Variants in PPP2R5E observed in about 807,000 individuals in gnomAD.
PPP2R5E encodes protein phosphatase 2 regulatory subunit B'epsilon, also known as serine/threonine-protein phosphatase 2A 56 kDa regulatory subunit epsilon isoform.
Under a neutral mutation model 65.3 loss-of-function variants are expected in PPP2R5E, and 4 were observed. That is an observed-to-expected ratio of 0.06 (90% CI 0.03 to 0.14). PPP2R5E has a LOEUF of 0.14. Among genes scored for constraint, PPP2R5E ranks in the 10% least tolerant of loss-of-function variants. The probability of loss-of-function intolerance (pLI) is 1.00; values close to 1 mark genes in which losing one functional copy is unlikely to be tolerated. For synonymous variants in PPP2R5E, 183 were observed against 187.4 expected, an observed-to-expected ratio of 0.98 and a Z score of 0.19; for missense variants, 274 against 556.1, an observed-to-expected ratio of 0.49 and a Z score of 5.10.
intron 2 of PPP2R5E, among the ~76,000 whole-genome samples, chr14:63,525,153 C>T (rs1396157505): frequency 6.6e-6 from 1 of 152,200 alleles, no homozygotes; most frequent in Non-Finnish European, 1.5e-5. Context: ...TTGCCTGGCA[C>T]ACCGAAAAAC....
At chr14:63,515,227 A>G (rs1007794817) in intron 2 of PPP2R5E, among the ~76,000 whole-genome samples, 2 of 152,214 alleles carry the variant, frequency 1.3e-5, no homozygotes, top group African/African-American at 4.8e-5. Flanking sequence ...TCAAGCTTCA[A>G]TAAAGTTGAA....
intron 2 of PPP2R5E, among the ~76,000 whole-genome samples, chr14:63,524,470 C>T (rs939198827): frequency 6.6e-5 from 10 of 152,202 alleles, no homozygotes; most frequent in African/African-American, 2.4e-4. Context: ...AAAAGGGAGA[C>T]TGAAGTTCCA....
chr14:63,454,796 G>A (rs535345908), intron 2 of PPP2R5E, among the ~76,000 whole-genome samples: 2 of 152,266 alleles, frequency 1.3e-5, no homozygotes, highest in South Asian at 4.1e-4. Context: ...CTTCCCTGGA[G>A]AAGCAATGAA....
intron 2 of PPP2R5E, among the ~76,000 whole-genome samples, chr14:63,532,821 T>C (rs1199203323): frequency 6.6e-6 from 1 of 152,144 alleles, no homozygotes; most frequent in Non-Finnish European, 1.5e-5. Flanking sequence ...CTAAAATAGA[T>C]GACATTATTC....
At chr14:63,509,309 C>G (rs1186525670) in intron 2 of PPP2R5E, among the ~76,000 whole-genome samples, 1 of 120,308 alleles carries the variant, frequency 8.3e-6, no homozygotes, top group Admixed American at 1.1e-4. Flanking sequence ...GGGTCTTGCT[C>G]TATCACCCAG....
chr14:63,410,876 G>A (rs1323494151), intron 5 of PPP2R5E, among the ~76,000 whole-genome samples: 2 of 152,168 alleles, frequency 1.3e-5, no homozygotes, highest in Non-Finnish European at 2.9e-5. Flanking sequence ...GAACTGGGGT[G>A]AGCCCTGGTG....
At chr14:63,461,475 A>C (rs1211368646) in intron 2 of PPP2R5E, among the ~76,000 whole-genome samples, 1 of 152,168 alleles carries the variant, frequency 6.6e-6, no homozygotes, top group Non-Finnish European at 1.5e-5. Flanking sequence ...GAACGATCAT[A>C]GAATAAAAGA....
intron 2 of PPP2R5E, among the ~76,000 whole-genome samples, chr14:63,456,778 G>T (rs903082385): frequency 1.3e-5 from 2 of 152,078 alleles, no homozygotes; most frequent in African/African-American, 4.8e-5. Context: ...CAGAACACAG[G>T]GTGTGTGCAA....
At position 63,395,369 on chromosome 14, in the gene PPP2R5E, AGGGGGAGGAGGAGGAGAAGAG is replaced by A. The variant is rs1222200317; in HGVS notation, c.681-105_681-85del. 1.0e-4 allele frequency: 60 copies of A among 583,202 alleles called. No homozygotes were observed. In the African/African-American group the frequency reaches 1.2e-3, roughly 12 times the overall value. The allele number at this position is 583,202 out of a possible 1,614,324, so 36.1% of individuals were successfully genotyped here. On this transcript the variant is annotated intron_variant, in intron 6 of 13. Coordinates refer to ENST00000337537, the MANE Select transcript of PPP2R5E (RefSeq NM_006246.5). ...TAAAAAGAGGAGGAGGAGGAGGAGA[AGGGGGAGGAGGAGGAGAAGAG>A]GAGGAGGAGGAGGAGAGCGGGGAAG...
chr14:63,413,565 C>T (rs1431996140), intron 5 of PPP2R5E, among the ~76,000 whole-genome samples: 1 of 152,086 alleles, frequency 6.6e-6, no homozygotes, highest in Non-Finnish European at 1.5e-5. Flanking sequence ...TGAGGGAGGG[C>T]ATAAAAATTT....
At chr14:63,409,531 C>T (rs868007060) in intron 5 of PPP2R5E, among the ~76,000 whole-genome samples, 1 of 152,174 alleles carries the variant, frequency 6.6e-6, no homozygotes, top group African/African-American at 2.4e-5. Flanking sequence ...AACTACTATG[C>T]CCCATAGGTG....
At chr14:63,542,073 TTCC>T (rs1392701588) in intron 1 of PPP2R5E, among the ~76,000 whole-genome samples, 2 of 152,238 alleles carry the variant, frequency 1.3e-5, no homozygotes, top group African/African-American at 4.8e-5. Context: ...GTAAATCCTC[TTCC>T]TCCATCACTC....
chr14:63,457,285 T>C lies in PPP2R5E; in HGVS notation c.158-3400A>G, dbSNP rs539814399. On this transcript the variant is annotated intron_variant, in intron 2 of 13. Transcript: ENST00000337537. ...CTATATAAGAAAAGTTTAGTGTCTA[T>C]GTAAGCAGTCCCTGAAGTAGATCCA... 1.6e-4 allele frequency among the ~76,000 whole-genome samples: 25 copies of C among 152,314 alleles called. 1 individual carries two copies. Among genetic ancestry groups the C allele is most frequent in the Admixed American group, 1.6e-3 (24 of 15,300 alleles).
At chr14:63,437,389 T>C (rs1231509976) in intron 3 of PPP2R5E, among the ~76,000 whole-genome samples, 2 of 152,258 alleles carry the variant, frequency 1.3e-5, no homozygotes, top group South Asian at 2.1e-4. Flanking sequence ...CCCCAAATTC[T>C]TTCTTACATG....
At chr14:63,481,315 C>A (rs1890686249) in intron 2 of PPP2R5E, among the ~76,000 whole-genome samples, 2 of 151,820 alleles carry the variant, frequency 1.3e-5, no homozygotes, top group Admixed American at 1.3e-4. Flanking sequence ...GGCCAACATG[C>A]TGAAACTCCG....
intron 2 of PPP2R5E, among the ~76,000 whole-genome samples, chr14:63,463,480 T>C (rs1219608422): frequency 1.3e-5 from 2 of 151,860 alleles, no homozygotes; most frequent in Non-Finnish European, 2.9e-5. Flanking sequence ...AGCCAGCTTA[T>C]CTGAAAGAAC....
chr14:63,537,146 CCTGA>C (rs960625057), intron 2 of PPP2R5E, among the ~76,000 whole-genome samples: 1 of 151,950 alleles, frequency 6.6e-6, no homozygotes, highest in Non-Finnish European at 1.5e-5. Context: ...AAACCAATAC[CCTGA>C]CTATGAGTGG....
chr14:63,496,266 G>A (rs1312923615), intron 2 of PPP2R5E, among the ~76,000 whole-genome samples: 2 of 151,850 alleles, frequency 1.3e-5, no homozygotes, highest in Non-Finnish European at 2.9e-5. Flanking sequence ...ACTTTGGGAG[G>A]CCAAGGCAGG....
At chr14:63,392,827 G>T (rs1021520926) in intron 8 of PPP2R5E, among the ~76,000 whole-genome samples, 1 of 152,178 alleles carries the variant, frequency 6.6e-6, no homozygotes, top group Non-Finnish European at 1.5e-5. Context: ...CTTCCCAATG[G>T]GGGGAAGAGG....
Sources: allele counts gnomAD v4.1 joint callset (sites outside exome capture counted in the v4.1 genomes callset), GRCh38; gene constraint gnomAD v4.1.1; transcripts MANE v1.5; gene names NCBI Gene and HGNC (gene_info 2026-07-23, HGNC 2026-07-21).